The following ANO1 variants were observed in gnomAD, a reference collection of about 807,000 sequenced individuals.
ANO1 encodes the protein anoctamin 1, also known as anoctamin-1.
ANO1 carries 59 observed loss-of-function variants against 124.0 expected under a neutral mutation model. The ratio of observed to expected loss-of-function variants is 0.48; its 90% CI spans 0.39 to 0.59. The LOEUF (loss-of-function observed/expected upper bound fraction) is 0.59. Ranked by LOEUF, ANO1 falls within the 20% of genes least tolerant of loss-of-function variation. The pLI, the probability that ANO1 is intolerant of heterozygous loss-of-function variation, is 0.00. For missense variants in ANO1, 1,059 were observed against 1,328.0 expected (o/e 0.80, Z 3.15); for synonymous variants, 529 against 532.0 (o/e 0.99, Z 0.08).
At chr11:70,110,941 A>T (rs1481875759) in intron 6 of ANO1, among the ~76,000 whole-genome samples, 1 of 152,240 alleles carries the variant, frequency 6.6e-6, no homozygotes, top group African/African-American at 2.4e-5. Flanking sequence ...TGGTGTTTTT[A>T]TAATGTGCCC....
At chr11:70,077,101 C>A (rs2044070941), upstream of ANO1, among the ~76,000 whole-genome samples, 1 of 152,236 alleles carries the variant, frequency 6.6e-6, no homozygotes, top group South Asian at 2.1e-4. Flanking sequence ...CCATGGCACG[C>A]TGACGACATC....
At chr11:70,039,197 C>T (rs1054059396) in intron 1 of ANO1, among the ~76,000 whole-genome samples, 11 of 152,092 alleles carry the variant, frequency 7.2e-5, no homozygotes, top group South Asian at 2.1e-4. Context: ...TCAGAGTGAT[C>T]GAATCCTTCC....
intron 11 of ANO1, among the ~76,000 whole-genome samples, chr11:70,138,717 A>G (rs775715275): frequency 3.9e-5 from 6 of 152,020 alleles, no homozygotes; most frequent in Non-Finnish European, 7.4e-5. Flanking sequence ...GAACCCCAGA[A>G]TTCTGGTTTC....
chr11:70,147,147 T>C (rs1210407645), intron 11 of ANO1, among the ~76,000 whole-genome samples: 1 of 152,080 alleles, frequency 6.6e-6, no homozygotes, highest in African/African-American at 2.4e-5. Context: ...CCAGAAAGCG[T>C]CGTAAAAGGG....
chr11:70,119,789 G>A (rs540582112), intron 8 of ANO1, among the ~76,000 whole-genome samples: 2 of 151,808 alleles, frequency 1.3e-5, no homozygotes, highest in South Asian at 2.1e-4. Context: ...GTTGATGGGT[G>A]GACAGGTAGG....
upstream of ANO1, chr11:69,985,857 C>G (rs2120269221): frequency 6.6e-6 from 1 of 152,330 alleles, no homozygotes; most frequent in African/African-American, 2.4e-5. Context: ...GTGGGGAGGT[C>G]TGCCCGGGAC....
chr11:70,122,856 T>C (rs2046349345), intron 8 of ANO1, among the ~76,000 whole-genome samples: 2 of 152,148 alleles, frequency 1.3e-5, no homozygotes, highest in Non-Finnish European at 2.9e-5. Context: ...TGACTCTAGG[T>C]GAGAGGAGGA....
intron 6 of ANO1, among the ~76,000 whole-genome samples, chr11:70,110,514 C>T (rs2045731729): frequency 6.6e-6 from 1 of 152,128 alleles, no homozygotes; most frequent in Non-Finnish European, 1.5e-5. Context: ...TGCAGACAAA[C>T]TTTTCACTCA....
intron 7 of ANO1, among the ~76,000 whole-genome samples, chr11:70,115,365 C>T (rs921769901): frequency 6.6e-6 from 1 of 152,154 alleles, no homozygotes; most frequent in Non-Finnish European, 1.5e-5. Flanking sequence ...GTAATCGCAG[C>T]ACTTTGGGAG....
At chr11:69,985,558 G>A (rs546639004), upstream of ANO1, among the ~76,000 whole-genome samples, 249 of 152,338 alleles carry the variant, frequency 1.6e-3, no homozygotes, top group Admixed American at 2.9e-3. Flanking sequence ...GCCCAGGGCT[G>A]CGCCCGTCTC....
chr11:70,092,766 A>G (rs2044683159), intron 2 of ANO1, among the ~76,000 whole-genome samples: 1 of 152,256 alleles, frequency 6.6e-6, no homozygotes, highest in South Asian at 2.1e-4. Flanking sequence ...GTGACCCCAG[A>G]CCAAGACCCC....
rs138694746 is a variant in ANO1 at position 70,027,449 on chromosome 11, C to T, written c.58+41283C>T. Among the ~76,000 whole-genome samples, 14 of 152,304 alleles carry T rather than the reference C, an allele frequency of 9.2e-5. No individual in the cohort carries two copies. The East Asian group carries it at 2.5e-3, about 27-fold the overall frequency. On this transcript the variant is annotated intron_variant, in intron 1 of 27. Transcript: ENST00000531349. ...GGTACAGTTTCTACTGAAGGTGTCT[C>T]GCTTTCGTGCTTTGACACATTTGTA...
At chr11:70,014,486 A>G (rs1290634379) in intron 1 of ANO1, among the ~76,000 whole-genome samples, 1 of 151,616 alleles carries the variant, frequency 6.6e-6, no homozygotes, top group Non-Finnish European at 1.5e-5. Flanking sequence ...GTTCTAGTTC[A>G]CTCACCGTCA....
intron 24 of ANO1, among the ~76,000 whole-genome samples, chr11:70,184,872 G>A (rs185936670): frequency 4.6e-5 from 7 of 152,158 alleles, no homozygotes; most frequent in African/African-American, 1.2e-4. Flanking sequence ...TCAGCCTCCC[G>A]AGTAGCTGGG....
chr11:70,046,058 AG>A (rs1455118934), intron 1 of ANO1, among the ~76,000 whole-genome samples: 1 of 152,184 alleles, frequency 6.6e-6, no homozygotes, highest in Admixed American at 6.5e-5. Context: ...CCATGATTCA[AG>A]TTAACATGGG....
At chr11:70,063,629 G>A (rs1053346046) in intron 1 of ANO1, 2 of 152,104 alleles carry the variant, frequency 1.3e-5, no homozygotes, top group Admixed American at 6.5e-5. Flanking sequence ...CTAATCCCGC[G>A]AACCCAGTTC....
In ANO1 at chr11:70,132,651, A is replaced by T. The variant is rs1243907561; in HGVS notation, c.1258+572A>T. On this transcript the variant is annotated intron_variant, in intron 11 of 25. Coordinates refer to ENST00000355303, the MANE Select transcript of ANO1 (RefSeq NM_018043.7). ...GGCACTGGCCTCCTCCTCCAGGAAG[A>T]TTCCCTAACCCCAGTCCTACCCGAC... Among the ~76,000 whole-genome samples, 3 of 152,326 alleles carry T rather than the reference A, an allele frequency of 2.0e-5. No individual in the cohort carries two copies. The East Asian group carries it at 5.8e-4, about 29-fold the overall frequency.
At chr11:70,061,033 CCAA>C (rs1309030648) in intron 1 of ANO1, among the ~76,000 whole-genome samples, 2 of 152,096 alleles carry the variant, frequency 1.3e-5, no homozygotes, top group African/African-American at 4.8e-5. Flanking sequence ...TCGGAAATAT[CCAA>C]CAACGCCTAA....
intron 1 of ANO1, among the ~76,000 whole-genome samples, chr11:70,071,276 G>GACC (rs1857868216): frequency 6.6e-6 from 1 of 152,184 alleles, no homozygotes; most frequent in Non-Finnish European, 1.5e-5. Context: ...TCCTTAAATA[G>GACC]TAAAAGGGTC....
Sources: gnomAD v4.1 joint callset for allele counts (sites outside exome capture counted in the v4.1 genomes callset) on GRCh38, gnomAD v4.1.1 for gene constraint, MANE v1.5 for transcripts, NCBI Gene and HGNC (gene_info 2026-07-23, HGNC 2026-07-21) for gene names.